IL15: variants seen among roughly 807,000 people sequenced by gnomAD.
IL15 encodes the protein interleukin 15, also known as interleukin-15.
IL15 carries 11 observed loss-of-function variants against 19.6 expected under a neutral mutation model. That is an observed-to-expected ratio of 0.56 (90% confidence interval 0.35 to 0.93). The LOEUF is 0.93. IL15 is among the 40% of genes least tolerant of loss of function. The pLI is 0.01. For synonymous variants in IL15, 58 were observed against 59.6 expected, an observed-to-expected ratio of 0.97 and a Z score of 0.12; for missense variants, 197 against 186.5, an observed-to-expected ratio of 1.06 and a Z score of -0.33.
chr4:141,658,328 T>G (rs1727676513), intron 2 of IL15, among the ~76,000 whole-genome samples: 1 of 152,274 alleles, frequency 6.6e-6, no homozygotes, highest in East Asian at 1.9e-4. Context: ...ATTTTTTTCT[T>G]TATAAATTAC....
At chr4:141,681,422 T>G (rs1215967483) in intron 2 of IL15, among the ~76,000 whole-genome samples, 1 of 152,194 alleles carries the variant, frequency 6.6e-6, no homozygotes, top group Non-Finnish European at 1.5e-5. Context: ...TCACATGCAT[T>G]ATTTATTTAA....
chr4:141,702,456 G>A (rs1729353045), intron 2 of IL15, among the ~76,000 whole-genome samples: 2 of 152,198 alleles, frequency 1.3e-5, no homozygotes, highest in Admixed American at 1.3e-4. Context: ...GAATGGAGGT[G>A]GCAGGGGAGT....
At chr4:141,693,296 C>G (rs766323242) in intron 2 of IL15, among the ~76,000 whole-genome samples, 11 of 152,272 alleles carry the variant, frequency 7.2e-5, no homozygotes, top group Non-Finnish European at 1.3e-4. Flanking sequence ...AATCACCCCC[C>G]ACTGGGTCCC....
At chr4:141,690,572 G>A (rs922572265) in intron 2 of IL15, among the ~76,000 whole-genome samples, 2 of 152,102 alleles carry the variant, frequency 1.3e-5, no homozygotes, top group Non-Finnish European at 2.9e-5. Flanking sequence ...AACTCCTATT[G>A]CTACTTTCTC....
intron 2 of IL15, among the ~76,000 whole-genome samples, chr4:141,670,479 AGT>A (rs1365939869): frequency 6.6e-6 from 1 of 152,212 alleles, no homozygotes; most frequent in Non-Finnish European, 1.5e-5. Context: ...AAACTGAAGA[AGT>A]CTCTTAAACT....
Position 141,721,910 on chromosome 4 carries a change from G to A in IL15, c.111-14G>A, listed in dbSNP as rs370610576. Reference sequence around the variant, plus strand: ...GCTCCTTCAAAATGCTTTGCTCTATGGTTTTTCTTTCAGCTGTTTCAGTGC... The same window carrying A: ...GCTCCTTCAAAATGCTTTGCTCTATAGTTTTTCTTTCAGCTGTTTCAGTGC... On this transcript the variant is annotated splice_polypyrimidine_tract_variant and intron_variant, in intron 4 of 7. Transcript: ENST00000320650. 108 of 1,573,278 alleles carry A rather than the reference G, an allele frequency of 6.9e-5. 2 individuals carry two copies. In the South Asian group the frequency reaches 1.2e-3, roughly 18 times the overall value.
chr4:141,695,731 C>G (rs554955859), intron 2 of IL15, among the ~76,000 whole-genome samples: 1 of 152,018 alleles, frequency 6.6e-6, no homozygotes, highest in Non-Finnish European at 1.5e-5. Flanking sequence ...CACACCCTTA[C>G]TAACACTTGT....
In IL15 at chr4:141,732,958, T is replaced by G; in HGVS notation, c.*110T>G. ...AATGTGCTGTCAAAACAAGTTTTTC[T>G]GTCAAGAAGATGATCAGACCTTGGA... is the stretch of plus-strand genomic sequence containing the variant. On this transcript the variant is annotated 3_prime_UTR_variant, in exon 8 of 8. Transcript: ENST00000320650. 6.8e-7 allele frequency: 1 copy of G among 1,462,160 alleles called. No homozygotes were observed. The highest frequency in any genetic ancestry group is 2.5e-5 in the East Asian group (1 of 40,302). The allele number at this position is 1,462,160 out of a possible 1,614,324, so 90.6% of individuals were successfully genotyped here.
intron 5 of IL15, among the ~76,000 whole-genome samples, chr4:141,727,240 C>T (rs1730295438): frequency 6.6e-6 from 1 of 152,086 alleles, no homozygotes; most frequent in African/African-American, 2.4e-5. Context: ...AAACACACCA[C>T]ACTAATGCAA....
intron 2 of IL15, among the ~76,000 whole-genome samples, chr4:141,674,768 T>C (rs1728285265): frequency 6.6e-6 from 1 of 151,224 alleles, no homozygotes; most frequent in Non-Finnish European, 1.5e-5. Context: ...ATTATTTGTA[T>C]TATTATCTCT....
chr4:141,659,703 G>C (rs1361149556), intron 2 of IL15, among the ~76,000 whole-genome samples: 1 of 152,208 alleles, frequency 6.6e-6, no homozygotes. Flanking sequence ...TCAATTCTGT[G>C]GCAAATAAGC....
intron 6 of IL15, among the ~76,000 whole-genome samples, chr4:141,729,209 C>T (rs1428360037): frequency 6.6e-6 from 1 of 152,048 alleles, no homozygotes; most frequent in African/African-American, 2.4e-5. Flanking sequence ...TGCAAGGTAT[C>T]GAGGACACAA....
At chr4:141,725,539 A>G (rs963719410) in intron 5 of IL15, among the ~76,000 whole-genome samples, 5 of 152,160 alleles carry the variant, frequency 3.3e-5, no homozygotes, top group East Asian at 1.9e-4. Context: ...GTGAGAAAAT[A>G]AAGTTCTATT....
At chr4:141,654,442 A>C (rs1199726985) in intron 1 of IL15, among the ~76,000 whole-genome samples, 1 of 152,256 alleles carries the variant, frequency 6.6e-6, no homozygotes, top group Non-Finnish European at 1.5e-5. Flanking sequence ...GGAAATGCTT[A>C]TCAGTTCCTA....
At chr4:141,640,638 A>G (rs1347450712) in intron 1 of IL15, among the ~76,000 whole-genome samples, 4 of 152,212 alleles carry the variant, frequency 2.6e-5, no homozygotes, top group Admixed American at 1.3e-4. Context: ...AGGCTCTTTA[A>G]TCTCAGTTTA....
chr4:141,693,712 A>T (rs1010297367), intron 2 of IL15, among the ~76,000 whole-genome samples: 4 of 152,230 alleles, frequency 2.6e-5, no homozygotes, highest in Admixed American at 2.6e-4. Flanking sequence ...TTAGATACAC[A>T]TTTGTTGGAT....
chr4:141,692,394 G>C (rs527324772), intron 2 of IL15, among the ~76,000 whole-genome samples: 1 of 152,344 alleles, frequency 6.6e-6, no homozygotes, highest in Admixed American at 6.5e-5. Context: ...CTGCAGGCTT[G>C]AATTTCTCCA....
intron 2 of IL15, among the ~76,000 whole-genome samples, chr4:141,701,549 T>G (rs968142216): frequency 2.0e-4 from 31 of 152,188 alleles, no homozygotes; most frequent in Non-Finnish European, 1.6e-4. Context: ...TATACTTTAT[T>G]TATTTAACTT....
At chr4:141,721,527 G>T (rs1730080363) in intron 4 of IL15, 1 of 529,412 alleles carries the variant, frequency 1.9e-6, no homozygotes, top group Non-Finnish European at 3.6e-6. Context: ...CTCATTTTAA[G>T]AATTTTACCT....
Sources: allele counts gnomAD v4.1 joint callset (sites outside exome capture counted in the v4.1 genomes callset), GRCh38; gene constraint gnomAD v4.1.1; transcripts MANE v1.5; gene names NCBI Gene and HGNC (gene_info 2026-07-23, HGNC 2026-07-21).